Variants in HEATR4 observed in about 807,000 individuals in gnomAD.
HEATR4 encodes the protein HEAT repeat-containing protein 4.
A neutral mutation model predicts 108.8 loss-of-function variants in HEATR4; 95 were observed. The observed-to-expected ratio is 0.87, with a 90% CI of 0.74 to 1.04. HEATR4 has a LOEUF of 1.04. Ranked by LOEUF, HEATR4 falls within the 50% of genes least tolerant of loss-of-function variation. The probability of loss-of-function intolerance (pLI) is 0.00; values close to 1 mark genes in which losing one functional copy is unlikely to be tolerated. For missense variants in HEATR4, 1,152 were observed against 1,253.8 expected, an observed-to-expected ratio of 0.92 and a Z score of 1.23; for synonymous variants, 443 against 459.4, an observed-to-expected ratio of 0.96 and a Z score of 0.46.
the HEATR4 span, among the ~76,000 whole-genome samples, chr14:73,601,879 C>T: frequency 7.3e-5 from 11 of 150,988 alleles, no homozygotes; most frequent in Admixed American, 2.0e-4. Context: ...ACACTTCTGA[C>T]AAGGAGAGCT....
At chr14:73,524,310 A>AAAAAAAAAAAAATAT in intron 2 of HEATR4, among the ~76,000 whole-genome samples, 5 of 54,780 alleles carry the variant, frequency 9.1e-5, no homozygotes, top group African/African-American at 2.6e-4. Flanking sequence ...AAAAAAAAAA[A>AAAAAAAAAAAAATAT]ATATATATAT....
the HEATR4 span, chr14:73,569,678 G>A: frequency 6.2e-7 from 1 of 1,608,994 alleles, no homozygotes. Context: ...TCTGGGCCTT[G>A]GAGCCCGAGA....
At chr14:73,524,310 A>AAAAAAAAAAATATATAT in intron 2 of HEATR4, among the ~76,000 whole-genome samples, 4 of 54,778 alleles carry the variant, frequency 7.3e-5, no homozygotes, top group African/African-American at 3.5e-4. Context: ...AAAAAAAAAA[A>AAAAAAAAAAATATATAT]ATATATATAT....
intron 17 of HEATR4, chr14:73,491,157 T>G (rs1885696841): frequency 6.2e-7 from 1 of 1,605,954 alleles, no homozygotes; most frequent in South Asian, 1.1e-5. Context: ...CGAAGTGTTG[T>G]ATCCCGCATG....
Position 73,524,310 on chromosome 14 carries a change from A to AAAAT in HEATR4, c.-72-1087_-72-1086insATTT. ...CTCCGTCTCAAAAAAAAAAAAAAAA[A>AAAAT]ATATATATATATATATATATATATA... On this transcript the variant is annotated intron_variant, in intron 2 of 17. Transcript: ENST00000553558. 7.5e-4 allele frequency among the ~76,000 whole-genome samples: 41 copies of AAAAT among 54,776 alleles called. 1 individual carries two copies. Among genetic ancestry groups the AAAAT allele is most frequent in the African/African-American group, 2.8e-3 (32 of 11,344 alleles). The allele number at this position is 54,776 out of a possible 152,430, so 35.9% of individuals were successfully genotyped here.
the HEATR4 span, chr14:73,619,653 C>T: frequency 1.9e-6 from 3 of 1,614,112 alleles, no homozygotes; most frequent in Non-Finnish European, 8.5e-7. Context: ...AAACTGGTCA[C>T]TGTATTGACC....
At chr14:73,537,891 C>T (rs72738342) in intron 1 of HEATR4, 574,140 of 1,179,846 alleles carry the variant, frequency 0.49, 228,336 homozygotes, top group East Asian at 0.74. Context: ...GACTCACCTC[C>T]GCTAATTGTT....
chr14:73,573,423 G>A, the HEATR4 span: 53 of 1,613,700 alleles, frequency 3.3e-5, 1 homozygote, highest in African/African-American at 2.1e-4. Flanking sequence ...GGACATGTTC[G>A]GAACTGGAGG....
rs1261314960 is a variant in HEATR4, at chr14:73,555,494, T to C, written c.-152+3257A>G. Among the ~76,000 whole-genome samples the C allele has an allele frequency of 3.5e-5, 4 of 115,228 alleles. 1 individual carries two copies. In the South Asian group the frequency reaches 1.1e-3, roughly 31 times the overall value. The allele number at this position is 115,228 out of a possible 152,430, so 75.6% of individuals were successfully genotyped here. A position where few individuals can be genotyped will look rare whatever the true frequency, so the allele number is the denominator to read the frequency against. On this transcript the variant is annotated intron_variant, in intron 1 of 17. Coordinates refer to ENST00000553558, the MANE Select transcript of HEATR4 (RefSeq NM_001220484.1). ...AGATTTTGACATCAGACCTGTCTTA[T>C]AAGATTCTTGTTAAGAGGAGTTCCT... is the stretch of plus-strand genomic sequence containing the variant.
chr14:73,521,765 A>G (rs939171247), intron 3 of HEATR4, among the ~76,000 whole-genome samples: 1 of 152,154 alleles, frequency 6.6e-6, no homozygotes, highest in African/African-American at 2.4e-5. Context: ...TTCCTTATTC[A>G]GAGTAAGGCA....
At chr14:73,593,891 T>C in the HEATR4 span, 1 of 1,612,238 alleles carries the variant, frequency 6.2e-7, no homozygotes, top group African/African-American at 1.3e-5. Flanking sequence ...TGCTACATGC[T>C]TCAACATCCC....
the HEATR4 span, chr14:73,575,615 A>T: frequency 6.4e-7 from 1 of 1,565,682 alleles, no homozygotes; most frequent in Non-Finnish European, 8.6e-7. Context: ...TTTAATAACT[A>T]AAGTTTTTTC....
intron 17 of HEATR4, among the ~76,000 whole-genome samples, chr14:73,488,186 A>T (rs1885525861): frequency 6.6e-6 from 1 of 152,164 alleles, no homozygotes; most frequent in Non-Finnish European, 1.5e-5. Flanking sequence ...CCAATGTTAG[A>T]TGAGGGACCT....
chr14:73,523,162 C>T lies in HEATR4; in HGVS notation c.-10G>A, dbSNP rs1474327572. 1.3e-6 allele frequency: 2 copies of T among 1,564,998 alleles called. No individual in the cohort carries two copies. Among genetic ancestry groups the T allele is most frequent in the African/African-American group, 1.3e-5 (1 of 74,454 alleles). ...TCTGGGTCCTGGTCATACCGCGTCCCAGCAAATGCTTCCTTCCACACTGCC... is the reference window on the plus strand; with the variant it reads ...TCTGGGTCCTGGTCATACCGCGTCCTAGCAAATGCTTCCTTCCACACTGCC... On this transcript the variant is annotated 5_prime_UTR_variant, in exon 3 of 18. Coordinates refer to ENST00000553558, the MANE Select transcript of HEATR4 (RefSeq NM_001220484.1).
At chr14:73,610,275 T>C in the HEATR4 span, among the ~76,000 whole-genome samples, 1 of 150,120 alleles carries the variant, frequency 6.7e-6, no homozygotes, top group African/African-American at 2.5e-5. Flanking sequence ...CCGAGATTGT[T>C]TCAGTCAAGT....
intron 17 of HEATR4, among the ~76,000 whole-genome samples, chr14:73,490,665 G>T (rs924291158): frequency 5.3e-5 from 8 of 152,160 alleles, no homozygotes; most frequent in African/African-American, 1.9e-4. Context: ...ATACTGGTCA[G>T]GCTGGTCTCG....
the HEATR4 span, among the ~76,000 whole-genome samples, chr14:73,601,516 A>G: frequency 2.6e-5 from 4 of 152,224 alleles, no homozygotes; most frequent in Admixed American, 6.5e-5. Context: ...GTGAGCTGAG[A>G]TCGCGCCACT....
At chr14:73,623,594 G>A in the HEATR4 span, among the ~76,000 whole-genome samples, 9 of 152,308 alleles carry the variant, frequency 5.9e-5, no homozygotes, top group East Asian at 1.7e-3. Context: ...GGCTGAAGCA[G>A]GAGGATTGGT....
the HEATR4 span, chr14:73,591,781 A>G: frequency 1.8e-6 from 1 of 541,050 alleles, no homozygotes; most frequent in East Asian, 3.5e-5. Context: ...TTTGCCTCAG[A>G]CGAGTCCGGA....
Sources: gnomAD v4.1 joint callset for allele counts (sites outside exome capture counted in the v4.1 genomes callset) on GRCh38, gnomAD v4.1.1 for gene constraint, MANE v1.5 for transcripts, NCBI Gene and HGNC (gene_info 2026-07-23, HGNC 2026-07-21) for gene names.